The following USB1 variants were observed in gnomAD, a reference collection of about 807,000 sequenced individuals.
The protein encoded by USB1 is U6 snRNA biogenesis phosphodiesterase 1.
In USB1, 21 loss-of-function variants were observed where a neutral mutation model predicts 29.9. The ratio of observed to expected loss-of-function variants is 0.70; its 90% confidence interval spans 0.50 to 1.01. USB1 has a LOEUF of 1.01. Ranked by LOEUF, USB1 falls within the 50% of genes least tolerant of loss-of-function variation. The pLI is 0.00. For missense variants in USB1, 330 were observed against 347.1 expected (o/e 0.95, Z 0.39); for synonymous variants, 143 against 134.9 (o/e 1.06, Z -0.42).
chr16:58,018,863 G>T, intron 5 of USB1, 109 bp from the exon 6 acceptor site: 1 of 1,089,532 alleles, frequency 9.2e-7, no homozygotes, highest in East Asian at 2.5e-5. Flanking sequence ...CCACTGGGCA[G>T]GCCAGGGATC....
chr16:58,001,630 G>GC, intron 1 of USB1, 49 bp downstream of exon 1: 1 of 1,558,022 alleles, frequency 6.4e-7, no homozygotes, highest in Admixed American at 1.9e-5. Context: ...TCACCCTAGA[G>GC]CCAGACGGGA....
At chr16:58,017,579 G>GTGTGCATCCTCAGA in intron 5 of USB1, 140 bp downstream of exon 5, 2 of 782,184 alleles carry the variant, frequency 2.6e-6, no homozygotes, top group Non-Finnish European at 4.4e-6. Context: ...GCCTTCTGAG[G>GTGTGCATCCTCAGA]ATGCACACCT....
chr16:58,000,067 T>C (rs1375494255), upstream of USB1, among the ~76,000 whole-genome samples: 5 of 151,992 alleles, frequency 3.3e-5, no homozygotes, highest in Non-Finnish European at 7.4e-5. This position sits in a 1 kb window ranked among gnomAD's most constrained non-coding sequence, Gnocchi z 4.5. Flanking sequence ...CTCTTCTTCC[T>C]CCCTGAGAAA....
chr16:58,013,327 G>A lies in USB1; in HGVS notation c.450-946G>A. On this transcript the variant is annotated intron_variant, in intron 3 of 6. Coordinates refer to ENST00000219281, the MANE Select transcript of USB1 (RefSeq NM_024598.4). This position sits in a 1 kb window ranked among gnomAD's most constrained non-coding sequence, Gnocchi z 4.3. ...GCTGCACTTAACCAAGCTCCTGGTGGTTCTGTGATCCCTTACATTTTCTCC... is the reference window on the plus strand; with the variant it reads ...GCTGCACTTAACCAAGCTCCTGGTGATTCTGTGATCCCTTACATTTTCTCC... 2.0e-6 allele frequency: 2 copies of A among 985,488 alleles called. No homozygotes were observed. Among genetic ancestry groups the A allele is most frequent in the Non-Finnish European group, 2.4e-6 (2 of 829,974 alleles). The allele number at this position is 985,488 out of a possible 1,614,324, so 61.0% of individuals were successfully genotyped here. A position where few individuals can be genotyped will look rare whatever the true frequency, so the allele number is the denominator to read the frequency against.
In USB1 at chr16:58,010,050, G is replaced by C. The variant is rs542658449; in HGVS notation, c.387G>C (p.Leu129=). 4.2e-5 allele frequency: 67 copies of C among 1,614,086 alleles called. 1 individual carries two copies. In the South Asian group the frequency reaches 6.7e-4, roughly 16 times the overall value. ...TCAGCCTGTCCCAGAGTGTGGTTCT[G>C]CGCCACCACTGGATCCTCCCCTTCG... ...FHLSLSQSVV[L]RHHWILPFVQ... Residue 129 remains leucine, a synonymous_variant, in exon 3 of 7, where the codon CTG becomes CTC. Transcript: ENST00000219281.
chr16:58,015,974 T>C (rs573159549), intron 4 of USB1: 4 of 152,412 alleles, frequency 2.6e-5, no homozygotes, highest in East Asian at 1.9e-4. Flanking sequence ...TTGGAGGGAT[T>C]TGAACAGAGG....
chr16:58,012,090 G>C, intron 3 of USB1: 2 of 1,375,482 alleles, frequency 1.5e-6, no homozygotes. Context: ...CACAGTTCAG[G>C]GGGCCATAGG....
rs756779107 is a variant in USB1 at position 58,013,210 on chromosome 16, G to A, written c.450-1063G>A. On this transcript the variant is annotated intron_variant, in intron 3 of 6. Coordinates refer to ENST00000219281, the MANE Select transcript of USB1 (RefSeq NM_024598.4). The surrounding 1 kb of genome is among the most constrained non-coding windows in gnomAD (Gnocchi z 4.3). ...GGGGTGGAGAGCCATCCTGCAACAC[G>A]AGGTTACCAGGAGAAGGAGTTTTGG... 3.5e-5 allele frequency: 34 copies of A among 985,350 alleles called. No homozygotes were observed. Among genetic ancestry groups the A allele is most frequent in the Non-Finnish European group, 9.6e-6 (8 of 829,980 alleles). 61.0% of individuals were successfully genotyped at this position (985,350 alleles called of 1,614,324 possible).
At position 58,002,565 on chromosome 16, in the gene USB1, A is replaced by T; in HGVS notation, c.185A>T (p.Asp62Val). Reference sequence around the variant, plus strand: ...CCGGGCACCGAGGAGGGGCCTGAAGATGACAGCACAAAACACGGGGGACGG... The same window carrying T: ...CCGGGCACCGAGGAGGGGCCTGAAGTTGACAGCACAAAACACGGGGGACGG... ...MFPGTEEGPE[D>V]DSTKHGGRVR... The change falls in exon 2 of 7, where the codon GAT becomes GTT. Residue 62 changes from aspartate to valine, a missense_variant. Asp to Val is a radical substitution (Grantham distance 152). Transcript: ENST00000219281. 1 of 1,614,122 alleles carries T rather than the reference A, an allele frequency of 6.2e-7. No individual in the cohort carries two copies. Among genetic ancestry groups the T allele is most frequent in the Non-Finnish European group, 8.5e-7 (1 of 1,180,026 alleles).
chr16:58,009,593 C>T (rs549845146), intron 2 of USB1, among the ~76,000 whole-genome samples: 3 of 151,704 alleles, frequency 2.0e-5, no homozygotes, highest in South Asian at 4.2e-4. Flanking sequence ...GGCGTGGTGG[C>T]GGGCGCCCGT....
Position 58,020,410 on chromosome 16 carries a change from TTC to T in USB1, c.*177_*178del, listed in dbSNP as rs370473790. 2.9e-4 allele frequency: 198 copies of T among 677,608 alleles called. No individual in the cohort carries two copies. The highest frequency in any genetic ancestry group is 1.1e-3 in the East Asian group (41 of 36,602). 42.0% of individuals were successfully genotyped at this position (677,608 alleles called of 1,614,324 possible). A position where few individuals can be genotyped will look rare whatever the true frequency, so the allele number is the denominator to read the frequency against. ...TCCTCATCCTCCCTGAGTGCTGATA[TTC>T]TCTCTCTCTCTTTCTCTTCCTCTTC... is the stretch of plus-strand genomic sequence containing the variant. On this transcript the variant is annotated 3_prime_UTR_variant, in exon 7 of 7. Transcript: ENST00000219281.
chr16:58,018,338 C>G (rs1325579486), intron 5 of USB1, among the ~76,000 whole-genome samples: 1 of 151,830 alleles, frequency 6.6e-6, no homozygotes, highest in Non-Finnish European at 1.5e-5. Flanking sequence ...GCAATTCTGC[C>G]TCAGTCTCCC....
At chr16:58,019,122 G>C (rs1016586993) in intron 6 of USB1, 67 bp downstream of exon 6, 136 of 1,536,650 alleles carry the variant, frequency 8.9e-5, no homozygotes, top group Non-Finnish European at 1.1e-4. Flanking sequence ...ATGCTGGAGA[G>C]GGGGAGGATG....
chr16:58,012,439 G>T lies in USB1; in HGVS notation c.450-1834G>T, dbSNP rs953703296. 1.4e-5 allele frequency: 17 copies of T among 1,237,080 alleles called. No individual in the cohort carries two copies. In the Admixed American group the frequency reaches 2.4e-4, roughly 17 times the overall value. The allele number at this position is 1,237,080 out of a possible 1,614,324, so 76.6% of individuals were successfully genotyped here. On this transcript the variant is annotated intron_variant, in intron 3 of 6. Coordinates refer to ENST00000219281, the MANE Select transcript of USB1 (RefSeq NM_024598.4). Reference sequence around the variant, plus strand: ...CTGGCTCATGCATGAGTGGACCGGGGTGACAAGATATCAGATGGCACCTGA... The same window carrying T: ...CTGGCTCATGCATGAGTGGACCGGGTTGACAAGATATCAGATGGCACCTGA...
upstream of USB1, chr16:58,000,391 C>G (rs1291427706): frequency 2.0e-5 from 3 of 149,904 alleles, no homozygotes; most frequent in Non-Finnish European, 4.5e-5. The surrounding 1 kb of genome is among the most constrained non-coding windows in gnomAD (Gnocchi z 4.5). Flanking sequence ...CCGGGCGCCC[C>G]GCCGCTCACC....
At chr16:58,017,534 C>T (rs1963645489) in intron 5 of USB1, 95 bp downstream of exon 5, 2 of 1,111,872 alleles carry the variant, frequency 1.8e-6, no homozygotes, top group South Asian at 2.6e-5. Flanking sequence ...ACCGAAGACC[C>T]TTCAGAACCT....
rs1963554817 is a variant in USB1 at position 58,013,914 on chromosome 16, A to C, written c.450-359A>C. The C allele has an allele frequency of 4.0e-6, 1 of 249,442 alleles. No individual in the cohort carries two copies. The highest frequency in any genetic ancestry group is 5.1e-5 in the Admixed American group (1 of 19,686). 15.5% of individuals were successfully genotyped at this position (249,442 alleles called of 1,614,324 possible). ...GGAGTCATCTATTTTAAAAAACTGCAAGAAATGAATCAGCTGTTAAGTGGT... is the reference window on the plus strand; with the variant it reads ...GGAGTCATCTATTTTAAAAAACTGCCAGAAATGAATCAGCTGTTAAGTGGT... On this transcript the variant is annotated intron_variant, in intron 3 of 6. Transcript: ENST00000219281. The surrounding 1 kb of genome is among the most constrained non-coding windows in gnomAD (Gnocchi z 4.3).
chr16:57,999,956 T>C (rs1467959028), upstream of USB1: 1 of 152,516 alleles, frequency 6.6e-6, no homozygotes, highest in African/African-American at 2.4e-5. Flanking sequence ...CTGGCCCTCC[T>C]GCAGCAAGGT....
intron 6 of USB1, 48 bp downstream of exon 6, chr16:58,019,103 A>G (rs1161138433): frequency 1.3e-6 from 2 of 1,589,624 alleles, no homozygotes. Context: ...TCCAGAAATG[A>G]CAGGACAGAT....
Sources: gnomAD v4.1 joint callset for allele counts (sites outside exome capture counted in the v4.1 genomes callset) on GRCh38, gnomAD v4.1.1 for gene constraint, Gnocchi (gnomAD v3.1) non-coding constraint, MANE v1.5 for transcripts, NCBI Gene and HGNC (gene_info 2026-07-23, HGNC 2026-07-21) for gene names.